Variants in CPNE4 observed in about 807,000 individuals in gnomAD.
The protein encoded by CPNE4 is copine 4.
Under a neutral mutation model 67.9 loss-of-function variants are expected in CPNE4, and 25 were observed. The ratio of observed to expected loss-of-function variants is 0.37; its 90% confidence interval spans 0.27 to 0.51. The LOEUF (loss-of-function observed/expected upper bound fraction) is 0.51, where lower values mean the gene tolerates loss of function less well. CPNE4 is among the 20% of genes least tolerant of loss of function. CPNE4 has a pLI of 0.93. For missense variants in CPNE4, 464 were observed against 690.8 expected (o/e 0.67, Z 3.68); for synonymous variants, 242 against 244.9 (o/e 0.99, Z 0.11).
intron 6 of CPNE4, 143 bp from the exon 7 acceptor site, chr3:131,669,907 T>G (rs1239467714): frequency 3.0e-6 from 2 of 671,010 alleles, no homozygotes; most frequent in Non-Finnish European, 5.1e-6. Flanking sequence ...AAAAACTTGA[T>G]GTAGTAAATC....
rs1011653898 is a variant in CPNE4 at position 131,574,981 on chromosome 3, CT to C, written c.927+89del. On this transcript the variant is annotated intron_variant, in intron 10 of 15. Transcript: ENST00000429747. ...AAAGCTGCCTGAAGGTTTTAATAAG[CT>C]TTTGTCTCTTTATCCCCCAAACCCA... is the stretch of plus-strand genomic sequence containing the variant. 4.2e-5 allele frequency: 46 copies of C among 1,090,078 alleles called. 1 individual carries two copies. In the African/African-American group the frequency reaches 6.5e-4, roughly 16 times the overall value. The allele number at this position is 1,090,078 out of a possible 1,614,324, so 67.5% of individuals were successfully genotyped here. A position where few individuals can be genotyped will look rare whatever the true frequency, so the allele number is the denominator to read the frequency against.
At chr3:131,956,729 A>G (rs1310269142) in intron 1 of CPNE4, among the ~76,000 whole-genome samples, 5 of 152,180 alleles carry the variant, frequency 3.3e-5, no homozygotes, top group Admixed American at 3.3e-4. Flanking sequence ...TAGCCAATGA[A>G]AGTTGTAGCC....
chr3:131,650,065 A>G (rs2079769747), intron 7 of CPNE4, among the ~76,000 whole-genome samples: 1 of 152,114 alleles, frequency 6.6e-6, no homozygotes. Flanking sequence ...ACGCTGAGAG[A>G]CAGAGTCTCT....
chr3:132,009,368 T>C (rs2073691235), intron 1 of CPNE4, among the ~76,000 whole-genome samples: 2 of 152,124 alleles, frequency 1.3e-5, no homozygotes, highest in South Asian at 4.2e-4. Context: ...TCCCCATCCC[T>C]CCATGCTTGT....
At chr3:131,707,712 A>G (rs1284752108) in intron 3 of CPNE4, among the ~76,000 whole-genome samples, 1 of 152,174 alleles carries the variant, frequency 6.6e-6, no homozygotes, top group Non-Finnish European at 1.5e-5. Context: ...CTTACAAGAT[A>G]CACAAAGAAA....
At chr3:131,724,009 ATGAT>A (rs1326196588) in intron 2 of CPNE4, among the ~76,000 whole-genome samples, 3 of 152,188 alleles carry the variant, frequency 2.0e-5, no homozygotes, top group Admixed American at 1.3e-4. Context: ...AGGTGCATAA[ATGAT>A]TGATTGATGC....
chr3:131,684,060 T>A (rs1008326234), intron 6 of CPNE4, among the ~76,000 whole-genome samples: 6 of 152,170 alleles, frequency 3.9e-5, no homozygotes, highest in African/African-American at 9.7e-5. Context: ...AATTCAAGAC[T>A]GTCTTTCCTA....
intron 2 of CPNE4, among the ~76,000 whole-genome samples, chr3:131,820,937 C>T (rs190376010): frequency 1.3e-5 from 2 of 152,306 alleles, no homozygotes; most frequent in Admixed American, 1.3e-4. Flanking sequence ...TCAACTCAAT[C>T]CATCAACAAG....
Position 131,854,121 on chromosome 3 carries a change from C to A in CPNE4, c.180+51143G>T, listed in dbSNP as rs148005860. 7.8e-4 allele frequency among the ~76,000 whole-genome samples: 119 copies of A among 151,758 alleles called. 1 individual carries two copies. In the East Asian group the frequency reaches 0.021, roughly 27 times the overall value. On this transcript the variant is annotated intron_variant, in intron 2 of 15. Coordinates refer to ENST00000429747, the MANE Select transcript of CPNE4 (RefSeq NM_130808.3). ...AGCCTTATTCACAATAGCTAAAAAC[C>A]GATAATAGCACAAATGTCCATAAAG...
intron 1 of CPNE4, among the ~76,000 whole-genome samples, chr3:132,030,990 C>T (rs185386736): frequency 6.6e-6 from 1 of 152,136 alleles, no homozygotes; most frequent in South Asian, 2.1e-4. Context: ...CACATAAATA[C>T]TTTATCCAAA....
chr3:131,782,031 ATAAT>A (rs1264818166), intron 2 of CPNE4, among the ~76,000 whole-genome samples: 1 of 152,076 alleles, frequency 6.6e-6, no homozygotes, highest in African/African-American at 2.4e-5. Context: ...AGAATATGAG[ATAAT>A]TAATAAGAAA....
intron 7 of CPNE4, among the ~76,000 whole-genome samples, chr3:131,588,107 A>T (rs964302198): frequency 2.6e-5 from 4 of 152,164 alleles, no homozygotes; most frequent in African/African-American, 9.7e-5. Context: ...GACAACAAAA[A>T]TTATTAGGAA....
intron 2 of CPNE4, among the ~76,000 whole-genome samples, chr3:131,748,320 G>T (rs1040639465): frequency 6.6e-6 from 1 of 151,834 alleles, no homozygotes; most frequent in Non-Finnish European, 1.5e-5. Context: ...TAGTCATAGT[G>T]TATAATTCTT....
intron 7 of CPNE4, among the ~76,000 whole-genome samples, chr3:131,639,589 C>T (rs56357058): frequency 0.28 from 42,941 of 151,848 alleles, 9,295 homozygotes; most frequent in African/African-American, 0.61. Context: ...CAAAGAAGAA[C>T]TGGTACCAAT....
chr3:131,644,008 C>A (rs558379047), intron 7 of CPNE4, among the ~76,000 whole-genome samples: 1 of 152,220 alleles, frequency 6.6e-6, no homozygotes, highest in Non-Finnish European at 1.5e-5. Context: ...TAATACAGTG[C>A]CCATTTAATA....
At chr3:131,812,059 G>A (rs776137393) in intron 2 of CPNE4, among the ~76,000 whole-genome samples, 13 of 152,142 alleles carry the variant, frequency 8.5e-5, no homozygotes, top group Middle Eastern at 3.4e-3. Flanking sequence ...AAATTTTAGT[G>A]TGCTGCCTGC....
intron 2 of CPNE4, among the ~76,000 whole-genome samples, chr3:131,853,468 A>C (rs1199419965): frequency 6.6e-6 from 1 of 151,924 alleles, no homozygotes; most frequent in African/African-American, 2.4e-5. Flanking sequence ...TAAAATGTCA[A>C]GGAGAAAACA....
chr3:131,871,985 A>G (rs2087228595), intron 2 of CPNE4, among the ~76,000 whole-genome samples: 1 of 152,060 alleles, frequency 6.6e-6, no homozygotes. Context: ...TGCCCCACAT[A>G]TCCTTCTTAT....
chr3:131,711,714 C>T (rs1301312645), intron 3 of CPNE4, among the ~76,000 whole-genome samples: 1 of 152,116 alleles, frequency 6.6e-6, no homozygotes, highest in Non-Finnish European at 1.5e-5. Flanking sequence ...TTTTGTAAAC[C>T]AAGCAGTTAT....
Sources: allele counts gnomAD v4.1 joint callset (sites outside exome capture counted in the v4.1 genomes callset), GRCh38; gene constraint gnomAD v4.1.1; transcripts MANE v1.5; gene names NCBI Gene and HGNC (gene_info 2026-07-23, HGNC 2026-07-21).